The following MACF1 variants were observed in gnomAD, a reference collection of about 807,000 sequenced individuals.
The protein encoded by MACF1 is microtubule actin crosslinking factor 1.
MACF1 carries 193 observed loss-of-function variants against 854.8 expected under a neutral mutation model. The ratio of observed to expected loss-of-function variants is 0.23; its 90% CI spans 0.20 to 0.25. The LOEUF (loss-of-function observed/expected upper bound fraction) is 0.25, where lower values mean the gene tolerates loss of function less well. Ranked by LOEUF, MACF1 falls within the 10% of genes least tolerant of loss-of-function variation. The pLI is 1.00. For synonymous variants in MACF1, 3,185 were observed against 3,226.7 expected, an observed-to-expected ratio of 0.99 and a Z score of 0.44; for missense variants, 7,722 against 8,929.1, an observed-to-expected ratio of 0.86 and a Z score of 5.45.
intron 23 of MACF1, 130 bp downstream of exon 23, chr1:39,303,208 A>T: frequency 9.7e-7 from 1 of 1,031,462 alleles, no homozygotes; most frequent in Admixed American, 2.8e-5. Flanking sequence ...GAGGCTTCTC[A>T]TTGGAGATAT....
intron 52 of MACF1, among the ~76,000 whole-genome samples, chr1:39,377,593 G>T (rs539158803): frequency 1.4e-4 from 22 of 152,116 alleles, no homozygotes; most frequent in Non-Finnish European, 2.6e-4. Context: ...TGGCACTTAG[G>T]ATTTCTGTTT....
chr1:39,242,531 T>C (rs1644936535), intron 2 of MACF1, among the ~76,000 whole-genome samples: 1 of 152,014 alleles, frequency 6.6e-6, no homozygotes, highest in Admixed American at 6.6e-5. Flanking sequence ...GGCTGGTGGC[T>C]TGAGGCCAGG....
intron 53 of MACF1, 25 bp downstream of exon 53, chr1:39,378,548 T>G: frequency 6.2e-7 from 1 of 1,607,788 alleles, no homozygotes; most frequent in East Asian, 2.2e-5. Flanking sequence ...TCAACAGTGC[T>G]TCTTTGTTGG....
Position 39,428,098 on chromosome 1 carries a change from C to G in MACF1, c.16614C>G (p.Tyr5538Ter). 1.2e-6 allele frequency: 2 copies of G among 1,614,196 alleles called. No individual in the cohort carries two copies. Among genetic ancestry groups the G allele is most frequent in the Non-Finnish European group, 1.7e-6 (2 of 1,180,034 alleles). Reference protein sequence around the residue: ...SEKIDSLQARYSEIQDRCCRK... With the variant: ...SEKIDSLQAR ...AGATAGACTCATTGCAGGCCCGATA[C>G]AGTGAAATTCAAGACCGCTGTTGTC... The change falls in exon 63 of 101, where the codon TAC (tyrosine) becomes TAG (stop). Residue 5538 changes from tyrosine (Y) to a stop codon, truncating the protein, a stop_gained. Coordinates refer to ENST00000564288, the MANE Select transcript of MACF1 (RefSeq NM_001394062.1). LOFTEE classifies it high-confidence loss of function.
chr1:39,386,874 C>T lies in MACF1; in HGVS notation c.14345-313C>T, dbSNP rs1483099217. 3.3e-5 allele frequency among the ~76,000 whole-genome samples: 5 copies of T among 152,312 alleles called. No homozygotes were observed. The East Asian group carries it at 5.8e-4, about 18-fold the overall frequency. On this transcript the variant is annotated intron_variant, in intron 57 of 100. Transcript: ENST00000564288. The stretch of plus-strand genomic sequence containing the variant: ...GCCACTGCACCCGGCTGCTTCTGGA[C>T]TTCTTATGATAACTTGGTAGAAGAA...
intron 6 of MACF1, among the ~76,000 whole-genome samples, chr1:39,271,617 G>T (rs931467853): frequency 6.6e-6 from 1 of 152,154 alleles, no homozygotes; most frequent in African/African-American, 2.4e-5. Flanking sequence ...GTAAAAGTTG[G>T]AACAGATAGA....
chr1:39,096,518 G>A (rs886180377), intron 2 of MACF1, among the ~76,000 whole-genome samples: 3 of 151,454 alleles, frequency 2.0e-5, no homozygotes, highest in Non-Finnish European at 2.9e-5. Flanking sequence ...TGAACCGGGA[G>A]GCAGAGGTCG....
chr1:39,100,014 G>T (rs1404350588), intron 2 of MACF1, among the ~76,000 whole-genome samples: 4 of 152,106 alleles, frequency 2.6e-5, no homozygotes, highest in Non-Finnish European at 5.9e-5. Context: ...CCAAGAGTTC[G>T]AGACCAGCCT....
intron 2 of MACF1, among the ~76,000 whole-genome samples, chr1:39,190,395 G>GTTTTTTTTTTTTTTTTTTTTT (rs750262685): frequency 2.5e-5 from 2 of 79,038 alleles, no homozygotes; most frequent in East Asian, 3.8e-4. Flanking sequence ...GTGTGTGTTT[G>GTTTTTTTTTTTTTTTTTTTTT]TTTTTGTTTT....
At chr1:39,470,740 A>G (rs2124142573) in intron 97 of MACF1, among the ~76,000 whole-genome samples, 1 of 152,368 alleles carries the variant, frequency 6.6e-6, no homozygotes, top group East Asian at 1.9e-4. Context: ...GAAACAATAT[A>G]TGCCATTTTA....
intron 2 of MACF1, among the ~76,000 whole-genome samples, chr1:39,140,450 C>T (rs770046543): frequency 2.0e-5 from 3 of 152,062 alleles, no homozygotes; most frequent in Non-Finnish European, 4.4e-5. Flanking sequence ...CAGAGTATTG[C>T]GTATAATAAG....
intron 58 of MACF1, among the ~76,000 whole-genome samples, chr1:39,397,116 G>A (rs1301851903): frequency 1.4e-4 from 22 of 152,168 alleles, no homozygotes; most frequent in Admixed American, 1.4e-3. Context: ...TCCTTACTGG[G>A]CAGTTGCTCT....
chr1:39,370,092 T>G lies in MACF1; in HGVS notation c.13001T>G (p.Phe4334Cys). The change falls in exon 51 of 101, where the codon TTC (phenylalanine) becomes TGC (cysteine). Residue 4334 changes from phenylalanine (F) to cysteine (C), a missense_variant. Phe to Cys is a radical substitution (Grantham distance 205, BLOSUM62 -2). Transcript: ENST00000564288. ...GAATTCCGGAAGCTGGTCAGGACCT[T>G]CCAGAAATGGTTGAAAGAAACTGAA... is the stretch of plus-strand genomic sequence containing the variant. ...LDEFRKLVRTFQKWLKETEGS... is the reference protein window; with the variant it reads ...LDEFRKLVRTCQKWLKETEGS... The G allele has an allele frequency of 6.2e-7, 1 of 1,614,136 alleles. No individual in the cohort carries two copies. The highest frequency in any genetic ancestry group is 8.5e-7 in the Non-Finnish European group (1 of 1,180,002).
Position 39,333,724 on chromosome 1 carries a change from A to G in MACF1, c.7136A>G (p.Gln2379Arg). 1.9e-6 allele frequency: 3 copies of G among 1,614,240 alleles called. No individual in the cohort carries two copies. The highest frequency in any genetic ancestry group is 2.5e-6 in the Non-Finnish European group (3 of 1,180,040). ...AISGVLDPRT[Q>R]TLCSVKDAVT... is the part of the protein sequence containing the mutation. ...AGTGGTGTCTTAGACCCCCGTACCC[A>G]GACACTGTGCTCTGTAAAGGATGCA... is the stretch of plus-strand genomic sequence containing the variant. The change falls in exon 37 of 101, where the codon CAG (glutamine) becomes CGG (arginine). Residue 2379 changes from glutamine to arginine, a missense_variant. Gln to Arg is a conservative substitution (Grantham distance 43, BLOSUM62 1). Around this residue, in one of 15 missense-constraint regions of MACF1, gnomAD observed 1,531 missense variants for 1,601.6 expected, o/e 0.96. Coordinates refer to ENST00000564288, the MANE Select transcript of MACF1 (RefSeq NM_001394062.1).
At chr1:39,474,757 C>A (rs187793123) in intron 97 of MACF1, among the ~76,000 whole-genome samples, 1 of 152,062 alleles carries the variant, frequency 6.6e-6, no homozygotes, top group African/African-American at 2.4e-5. Context: ...GTATATACTG[C>A]GCTCCAGCCT....
chr1:39,245,338 G>A (rs1451114519), intron 2 of MACF1, among the ~76,000 whole-genome samples: 1 of 152,124 alleles, frequency 6.6e-6, no homozygotes, highest in Non-Finnish European at 1.5e-5. Flanking sequence ...CACCCAGGCT[G>A]GAATGCAGTG....
At chr1:39,240,778 C>T (rs1277048498) in intron 2 of MACF1, among the ~76,000 whole-genome samples, 1 of 152,198 alleles carries the variant, frequency 6.6e-6, no homozygotes, top group African/African-American at 2.4e-5. Context: ...GGATTACAGG[C>T]GTGAGCCACT....
chr1:39,344,225 C>G (rs1319495166), intron 40 of MACF1, among the ~76,000 whole-genome samples: 1 of 151,856 alleles, frequency 6.6e-6, no homozygotes, highest in Non-Finnish European at 1.5e-5. Context: ...TTCAGGAGTT[C>G]AAGAGCAGCC....
intron 2 of MACF1, among the ~76,000 whole-genome samples, chr1:39,237,623 T>TA (rs1195459561): frequency 6.6e-6 from 1 of 152,080 alleles, no homozygotes; most frequent in East Asian, 1.9e-4. Flanking sequence ...GCCAAAACGA[T>TA]ACAGCTAGTG....
Sources: gnomAD v4.1 joint callset for allele counts (sites outside exome capture counted in the v4.1 genomes callset) on GRCh38, gnomAD v4.1.1 for gene constraint, gnomAD v4.1.1 regional missense constraint, MANE v1.5 for transcripts, NCBI Gene and HGNC (gene_info 2026-07-23, HGNC 2026-07-21) for gene names.